The following RRP15 variants were observed in gnomAD, a reference collection of about 807,000 sequenced individuals.
RRP15 encodes the protein ribosomal RNA processing 15 homolog, also known as RRP15-like protein.
In RRP15, 18 loss-of-function variants were observed where a neutral mutation model predicts 27.1. The ratio of observed to expected loss-of-function variants is 0.66; its 90% CI spans 0.46 to 0.98. The LOEUF is 0.98. Ranked by LOEUF, RRP15 falls within the 50% of genes least tolerant of loss-of-function variation. The probability of loss-of-function intolerance (pLI) is 0.00; values close to 1 mark genes in which losing one functional copy is unlikely to be tolerated. For synonymous variants in RRP15, 107 were observed against 109.4 expected (o/e 0.98, Z 0.14); for missense variants, 359 against 337.8 (o/e 1.06, Z -0.49).
Position 218,303,193 on chromosome 1 carries a change from T to G in RRP15, c.405+634T>G, listed in dbSNP as rs541462783. On this transcript the variant is annotated intron_variant, in intron 2 of 4. Coordinates refer to ENST00000366932, the MANE Select transcript of RRP15 (RefSeq NM_016052.4). ...CTTTCATATCACCTGTACTTGATGA[T>G]CTCTGTCTAAAATACTTGGTTACTA... Among the ~76,000 whole-genome samples the G allele has an allele frequency of 6.6e-5, 10 of 152,316 alleles. No homozygotes were observed. The Middle Eastern group carries it at 0.014, about 207-fold the overall frequency.
chr1:218,328,624 C>T (rs570696858), intron 4 of RRP15, among the ~76,000 whole-genome samples: 1 of 152,046 alleles, frequency 6.6e-6, no homozygotes, highest in East Asian at 1.9e-4. Context: ...GATTGCGCCA[C>T]TGCACTCCAG....
chr1:218,329,207 C>T (rs1656325726), intron 4 of RRP15, among the ~76,000 whole-genome samples: 1 of 131,588 alleles, frequency 7.6e-6, no homozygotes, highest in African/African-American at 2.9e-5. Flanking sequence ...TCGAAACCAG[C>T]CTGGACCACA....
chr1:218,333,419 C>G lies in RRP15; in HGVS notation c.*2328C>G, dbSNP rs1656403129. ...TGTCACCCCTATTCTAAATATTTTACCTACAACATTTAAATTATTCTGATA... is the reference window on the plus strand; with the variant it reads ...TGTCACCCCTATTCTAAATATTTTAGCTACAACATTTAAATTATTCTGATA... On this transcript the variant is annotated 3_prime_UTR_variant, in exon 5 of 5. Transcript: ENST00000366932. The G allele has an allele frequency of 6.6e-6, 1 of 152,124 alleles. No individual in the cohort carries two copies. The highest frequency in any genetic ancestry group is 1.5e-5 in the Non-Finnish European group (1 of 68,030). The allele number at this position is 152,124 out of a possible 1,614,324, so 9.4% of individuals were successfully genotyped here. A position where few individuals can be genotyped will look rare whatever the true frequency, so the allele number is the denominator to read the frequency against.
At position 218,302,124 on chromosome 1, in the gene RRP15, G is replaced by A. The variant is rs182398221; in HGVS notation, c.140-170G>A. Among the ~76,000 whole-genome samples the A allele has an allele frequency of 2.0e-3, 309 of 152,188 alleles. 4 individuals are homozygous for A. Among genetic ancestry groups the A allele is most frequent in the African/African-American group, 7.2e-3 (297 of 41,520 alleles). On this transcript the variant is annotated intron_variant, in intron 1 of 4. Coordinates refer to ENST00000366932, the MANE Select transcript of RRP15 (RefSeq NM_016052.4). ...GAGGTCTCTGGGAGCTGATGGCAAT[G>A]GGATAGATGGTCCTATTGCTCTTCA...
chr1:218,285,791 T>G (rs979853427), intron 1 of RRP15, among the ~76,000 whole-genome samples: 3 of 150,974 alleles, frequency 2.0e-5, no homozygotes, highest in East Asian at 3.9e-4. Flanking sequence ...AGGAGAAGAA[T>G]GGGTCTCATA....
intron 4 of RRP15, among the ~76,000 whole-genome samples, chr1:218,310,991 C>T (rs752424544): frequency 1.6e-4 from 25 of 152,026 alleles, no homozygotes; most frequent in Non-Finnish European, 3.2e-4. Flanking sequence ...TCAGGTGATC[C>T]GCCTGCCTCG....
At chr1:218,321,410 GTTTGGT>G in intron 4 of RRP15, among the ~76,000 whole-genome samples, 1 of 152,170 alleles carries the variant, frequency 6.6e-6, no homozygotes, top group East Asian at 1.9e-4. Flanking sequence ...GTTGATAAAA[GTTTGGT>G]TATTTCAGTT....
At chr1:218,287,142 CTTTTTTTTTTTT>C (rs1214536139) in intron 1 of RRP15, among the ~76,000 whole-genome samples, 1 of 111,406 alleles carries the variant, frequency 9.0e-6, no homozygotes, top group Admixed American at 9.6e-5. Flanking sequence ...TTTTTTTTTT[CTTTTTTTTTTTT>C]TTTTTTGGTA....
chr1:218,292,449 G>C (rs906269040), intron 1 of RRP15, among the ~76,000 whole-genome samples: 3 of 152,188 alleles, frequency 2.0e-5, no homozygotes, highest in Non-Finnish European at 4.4e-5. Context: ...GCACTAAATA[G>C]CTGTAGGAAG....
At chr1:218,290,977 A>C (rs1036307682) in intron 1 of RRP15, among the ~76,000 whole-genome samples, 13 of 150,576 alleles carry the variant, frequency 8.6e-5, no homozygotes, top group African/African-American at 3.2e-4. Context: ...AAAAAAATGG[A>C]AAAAACTAGC....
intron 4 of RRP15, among the ~76,000 whole-genome samples, chr1:218,315,838 A>G (rs1335305543): frequency 2.0e-5 from 3 of 152,168 alleles, no homozygotes; most frequent in Admixed American, 1.3e-4. Flanking sequence ...TTGCCTCTGC[A>G]TTGCAGGACA....
intron 1 of RRP15, among the ~76,000 whole-genome samples, chr1:218,300,112 A>T (rs1655787335): frequency 6.6e-6 from 1 of 152,044 alleles, no homozygotes; most frequent in Admixed American, 6.6e-5. Context: ...TACAGAAAAA[A>T]CTTCAAATTA....
chr1:218,308,264 G>C (rs1655935323), intron 4 of RRP15, among the ~76,000 whole-genome samples: 1 of 151,416 alleles, frequency 6.6e-6, no homozygotes, highest in Non-Finnish European at 1.5e-5. Flanking sequence ...TAGAGACGGG[G>C]TTTCACCATG....
intron 4 of RRP15, among the ~76,000 whole-genome samples, chr1:218,326,333 TCAAATAA>T (rs1434523414): frequency 1.3e-5 from 2 of 152,136 alleles, no homozygotes; most frequent in African/African-American, 4.8e-5. Flanking sequence ...CAAGGTGAAA[TCAAATAA>T]CAACTGTTCT....
intron 4 of RRP15, among the ~76,000 whole-genome samples, chr1:218,308,062 CTTTTTTT>C (rs56813511): frequency 0.01 from 692 of 66,892 alleles, 7 homozygotes; most frequent in African/African-American, 0.035. Flanking sequence ...TTCTTTCTTT[CTTTTTTT>C]TTTTTTTTTT....
At chr1:218,298,664 G>C (rs538815999) in intron 1 of RRP15, among the ~76,000 whole-genome samples, 1 of 152,144 alleles carries the variant, frequency 6.6e-6, no homozygotes, top group African/African-American at 2.4e-5. Context: ...ACCTCAGTAC[G>C]TCGGAGGTTT....
chr1:218,312,723 G>A (rs6701482), intron 4 of RRP15, among the ~76,000 whole-genome samples: 7,623 of 152,150 alleles, frequency 0.05, 648 homozygotes, highest in African/African-American at 0.17. Flanking sequence ...GATAGTCATA[G>A]GAAATGTGAC....
At chr1:218,325,841 T>G (rs1428439147) in intron 4 of RRP15, among the ~76,000 whole-genome samples, 1 of 152,200 alleles carries the variant, frequency 6.6e-6, no homozygotes, top group Non-Finnish European at 1.5e-5. Context: ...CTTGGACTGG[T>G]TCTCCAGTTA....
chr1:218,331,181 T>G lies in RRP15; in HGVS notation c.*90T>G. On this transcript the variant is annotated 3_prime_UTR_variant, in exon 5 of 5. Coordinates refer to ENST00000366932, the MANE Select transcript of RRP15 (RefSeq NM_016052.4). ...AGTTGGGGAATTATAAGGATACCAT[T>G]TGTAAGAAAGCCAAAAGACTTTTGC... is the stretch of plus-strand genomic sequence containing the variant. The G allele has an allele frequency of 7.8e-7, 1 of 1,275,000 alleles. No individual in the cohort carries two copies. The highest frequency in any genetic ancestry group is 2.6e-5 in the East Asian group (1 of 39,180). 79.0% of individuals were successfully genotyped at this position (1,275,000 alleles called of 1,614,324 possible). A position where few individuals can be genotyped will look rare whatever the true frequency, so the allele number is the denominator to read the frequency against.
Sources: allele counts gnomAD v4.1 joint callset (sites outside exome capture counted in the v4.1 genomes callset), GRCh38; gene constraint gnomAD v4.1.1; transcripts MANE v1.5; gene names NCBI Gene and HGNC (gene_info 2026-07-23, HGNC 2026-07-21).